DGKA: variants seen among roughly 807,000 people sequenced by gnomAD.
DGKA encodes diacylglycerol kinase alpha.
In DGKA, 35 loss-of-function variants were observed where a neutral mutation model predicts 105.0. That is an observed-to-expected ratio of 0.33 (90% CI 0.25 to 0.44). The LOEUF (loss-of-function observed/expected upper bound fraction) is 0.44, where lower values mean the gene tolerates loss of function less well. Among genes scored for constraint, DGKA ranks in the 20% least tolerant of loss-of-function variants. The pLI is 1.00. For missense variants in DGKA, 665 were observed against 915.0 expected, an observed-to-expected ratio of 0.73 and a Z score of 3.53; for synonymous variants, 296 against 332.0, an observed-to-expected ratio of 0.89 and a Z score of 1.18.
chr12:55,936,543 G>A lies in DGKA; in HGVS notation c.40G>A (p.Ala14Thr). The A allele has an allele frequency of 6.2e-7, 1 of 1,614,102 alleles. No homozygotes were observed. Among genetic ancestry groups the A allele is most frequent in the Non-Finnish European group, 8.5e-7 (1 of 1,179,994 alleles). The part of the protein sequence containing the change: ...ERGLISPSDF[A>T]QLQKYMEYST... Reference sequence around the variant, plus strand: ...GGGCCTAATAAGCCCCAGTGATTTTGCCCAGCTGCAAAAATACATGGAATG... The same window carrying A: ...GGGCCTAATAAGCCCCAGTGATTTTACCCAGCTGCAAAAATACATGGAATG... The change falls in exon 2 of 24, where the codon GCC becomes ACC. Residue 14 changes from alanine (A) to threonine (T), a missense_variant. Ala to Thr is a moderately conservative substitution (Grantham distance 58, BLOSUM62 0). Coordinates refer to ENST00000331886, the MANE Select transcript of DGKA (RefSeq NM_001345.5).
rs559652246 is a variant in DGKA at position 55,953,537 on chromosome 12, C to T, written c.2124+127C>T. Reference sequence around the variant, plus strand: ...CCCTGCACATCATTCATCCTAAACCCTGATTTCTCAGCCCCTGGTTTCCCT... The same window carrying T: ...CCCTGCACATCATTCATCCTAAACCTTGATTTCTCAGCCCCTGGTTTCCCT... On this transcript the variant is annotated intron_variant, in intron 23 of 23. Transcript: ENST00000331886. The T allele has an allele frequency of 1.2e-5, 16 of 1,347,380 alleles. No individual in the cohort carries two copies. In the South Asian group the frequency reaches 1.6e-4, roughly 13 times the overall value. 83.5% of individuals were successfully genotyped at this position (1,347,380 alleles called of 1,614,324 possible). A position where few individuals can be genotyped will look rare whatever the true frequency, so the allele number is the denominator to read the frequency against.
upstream of DGKA, among the ~76,000 whole-genome samples, chr12:55,928,081 C>T (rs1046968295): frequency 3.3e-5 from 5 of 152,296 alleles, no homozygotes; most frequent in African/African-American, 1.2e-4. Flanking sequence ...ATTCTGCAGA[C>T]GAACCCATAT....
rs920854797 is a variant in DGKA, at chr12:55,932,438, C to A, written c.-82+1094C>A. 1 of 670,006 alleles carries A rather than the reference C, an allele frequency of 1.5e-6. No individual in the cohort carries two copies. The highest frequency in any genetic ancestry group is 1.8e-5 in the African/African-American group (1 of 56,600). 41.5% of individuals were successfully genotyped at this position (670,006 alleles called of 1,614,324 possible). A position where few individuals can be genotyped will look rare whatever the true frequency, so the allele number is the denominator to read the frequency against. ...TCTTCGGAACCTCCACAGTGCCGCA[C>A]GGGTGGAGAAGGGTTCTTGTTTGGC... On this transcript the variant is annotated intron_variant, in intron 1 of 23. Coordinates refer to ENST00000331886, the MANE Select transcript of DGKA (RefSeq NM_001345.5). The surrounding 1 kb of genome is among the most constrained non-coding windows in gnomAD (Gnocchi z 4.3).
chr12:55,952,021 C>A lies in DGKA; in HGVS notation c.1588-14C>A. On this transcript the variant is annotated splice_polypyrimidine_tract_variant and intron_variant, in intron 18 of 23. Coordinates refer to ENST00000331886, the MANE Select transcript of DGKA (RefSeq NM_001345.5). This position sits in a 1 kb window ranked among gnomAD's most constrained non-coding sequence, Gnocchi z 5.1. ...TTGAGCTCTGTACTGACCTTCATGT[C>A]CCGAACTCTCCAGGATGCCTCTATT... is the stretch of plus-strand genomic sequence containing the variant. The A allele has an allele frequency of 6.2e-7, 1 of 1,613,848 alleles. No homozygotes were observed. The highest frequency in any genetic ancestry group is 8.5e-7 in the Non-Finnish European group (1 of 1,179,968).
chr12:55,944,860 C>T (rs1367308558), intron 17 of DGKA, among the ~76,000 whole-genome samples: 4 of 152,122 alleles, frequency 2.6e-5, no homozygotes, highest in African/African-American at 9.7e-5. Flanking sequence ...AGTGCAGTGG[C>T]ACAATCTCAG....
In DGKA at chr12:55,937,523, A is replaced by G. The variant is rs1335598929; in HGVS notation, c.254A>G (p.Asn85Ser). 6.2e-7 allele frequency: 1 copy of G among 1,614,170 alleles called. No homozygotes were observed. The highest frequency in any genetic ancestry group is 1.7e-5 in the Admixed American group (1 of 60,020). The change falls in exon 4 of 24, where the codon AAT becomes AGT. Residue 85 changes from asparagine (N) to serine (S), a missense_variant. Asn to Ser is a conservative substitution (Grantham distance 46). Around this residue, in one of 3 missense-constraint regions of DGKA, gnomAD observed 504 missense variants for 681.2 expected, o/e 0.74. Transcript: ENST00000331886. ...TCCTTTGAGACTGGTCACTGCTTAA[A>G]TGAGACAAATGTGACAAAAGGTATG... The part of the protein sequence containing the change: ...FQSFETGHCL[N>S]ETNVTKDVVC...
upstream of DGKA, chr12:55,928,000 G>A (rs1019534330): frequency 5.5e-6 from 3 of 547,726 alleles, no homozygotes; most frequent in Non-Finnish European, 9.6e-6. Context: ...ATCTAAAGCG[G>A]GGCAACTCGC....
chr12:55,938,999 C>T lies in DGKA; in HGVS notation c.474+10C>T, dbSNP rs147790589. Reference sequence around the variant, plus strand: ...GTCTGAGCTGAGGCCGGTAAGGCAGCTCTTCCTTCATGTCCCTTCTTGTAC... The same window carrying T: ...GTCTGAGCTGAGGCCGGTAAGGCAGTTCTTCCTTCATGTCCCTTCTTGTAC... On this transcript the variant is annotated intron_variant, in intron 7 of 23. Coordinates refer to ENST00000331886, the MANE Select transcript of DGKA (RefSeq NM_001345.5). 213 of 1,614,174 alleles carry T rather than the reference C, an allele frequency of 1.3e-4. 2 individuals carry two copies. The African/African-American group carries it at 2.4e-3, about 18-fold the overall frequency.
upstream of DGKA, chr12:55,927,863 T>C: frequency 6.9e-7 from 1 of 1,444,694 alleles, no homozygotes; most frequent in Non-Finnish European, 9.3e-7. Context: ...AGGGCCCTAG[T>C]TGCTTCTCGC....
In DGKA at chr12:55,933,773, C is replaced by T. The variant is rs536399642; in HGVS notation, c.-82+2429C>T. 2.0e-5 allele frequency among the ~76,000 whole-genome samples: 3 copies of T among 152,312 alleles called. No homozygotes were observed. In the East Asian group the frequency reaches 5.8e-4, roughly 29 times the overall value. On this transcript the variant is annotated intron_variant, in intron 1 of 23. Coordinates refer to ENST00000331886, the MANE Select transcript of DGKA (RefSeq NM_001345.5). ...GGGTAAGACGTACAACTGGGCTTCACTGATGCTAGCAGTCCCTGAAATTTA... is the reference window on the plus strand; with the variant it reads ...GGGTAAGACGTACAACTGGGCTTCATTGATGCTAGCAGTCCCTGAAATTTA...
In DGKA at chr12:55,942,005, T is replaced by A. The variant is rs1247693692; in HGVS notation, c.1258T>A (p.Leu420Ile). ...CTCTCCCCTTTGTCTCAGGCTCCGA[T>A]TATTCAAGGATGTTCCTGATAGCCG... Reference protein sequence around the residue: ...LKDGPEIGLRLFKDVPDSRIL... With the variant: ...LKDGPEIGLRIFKDVPDSRIL... The change falls in exon 16 of 24, where the codon TTA becomes ATA. Residue 420 changes from leucine (L) to isoleucine (I), a missense_variant. Physicochemically the swap from Leu to Ile is conservative, Grantham distance 5 (BLOSUM62 2). Coordinates refer to ENST00000331886, the MANE Select transcript of DGKA (RefSeq NM_001345.5). 6.2e-7 allele frequency: 1 copy of A among 1,614,044 alleles called. No homozygotes were observed. Among genetic ancestry groups the A allele is most frequent in the Non-Finnish European group, 8.5e-7 (1 of 1,180,030 alleles).
rs2136336072 is a variant in DGKA, at chr12:55,941,583, G to A, written c.1249G>A (p.Gly417Arg). Reference protein sequence around the residue: ...FNLLKDGPEIGLRLFKDVPDS... With the variant: ...FNLLKDGPEIRLRLFKDVPDS... ...CCTCCTAAAGGATGGTCCTGAGATA[G>A]GGTGAGCACAGGTTAGGGACTGTAT... Residue 417 changes from glycine (G) to arginine (R), a missense_variant and splice_region_variant, in exon 15 of 24, where the codon GGG becomes AGG. Around this residue, in one of 3 missense-constraint regions of DGKA, gnomAD observed 504 missense variants for 681.2 expected, o/e 0.74. Coordinates refer to ENST00000331886, the MANE Select transcript of DGKA (RefSeq NM_001345.5). 6.2e-7 allele frequency: 1 copy of A among 1,614,060 alleles called. No homozygotes were observed. Among genetic ancestry groups the A allele is most frequent in the Non-Finnish European group, 8.5e-7 (1 of 1,179,952 alleles).
At chr12:55,937,277 A>G in intron 3 of DGKA, 131 bp from the exon 4 acceptor site, 1 of 1,288,642 alleles carries the variant, frequency 7.8e-7, no homozygotes. Flanking sequence ...GGACTTAATC[A>G]AAGAAACCAT....
Position 55,939,528 on chromosome 12 carries a change from C to T in DGKA, c.708C>T (p.Asn236=), listed in dbSNP as rs758503630. ...TTGGCAAACAGGGACTGAGCTGTAA[C>T]CGTGAGTAATGGGAGCTGGGAGGTA... ...IGLGKQGLSC[N]LCKYTVHDQC... is the part of the protein sequence containing the mutation. The change falls in exon 9 of 24, where the codon AAC becomes AAT. Residue 236 remains asparagine, a splice_region_variant and synonymous_variant. Transcript: ENST00000331886. The T allele has an allele frequency of 1.9e-6, 3 of 1,614,020 alleles. No individual in the cohort carries two copies. The highest frequency in any genetic ancestry group is 1.7e-6 in the Non-Finnish European group (2 of 1,179,998).
intron 22 of DGKA, 71 bp downstream of exon 22, chr12:55,953,231 G>A: frequency 6.2e-7 from 1 of 1,611,844 alleles, no homozygotes; most frequent in Non-Finnish European, 8.5e-7. Flanking sequence ...CATGGGAATG[G>A]TGGGGAGGGG....
chr12:55,938,881 G>T, intron 6 of DGKA, 34 bp from the exon 7 acceptor site: 1 of 1,612,562 alleles, frequency 6.2e-7, no homozygotes, highest in East Asian at 2.2e-5. Context: ...TAGTAAAGGG[G>T]ATATGGCTGT....
At position 55,940,938 on chromosome 12, in the gene DGKA, G is replaced by T. The variant is rs934777409; in HGVS notation, c.1059G>T (p.Lys353Asn). 3.1e-6 allele frequency: 5 copies of T among 1,614,036 alleles called. No homozygotes were observed. Among genetic ancestry groups the T allele is most frequent in the Admixed American group, 3.3e-5 (2 of 59,996 alleles). The change falls in exon 13 of 24, where the codon AAG becomes AAT. Residue 353 changes from lysine to asparagine, a missense_variant. By Grantham distance (94) the Lys-to-Asn change is moderately conservative. Around this residue, in one of 3 missense-constraint regions of DGKA, gnomAD observed 504 missense variants for 681.2 expected, o/e 0.74. Coordinates refer to ENST00000331886, the MANE Select transcript of DGKA (RefSeq NM_001345.5). The surrounding 1 kb of genome is among the most constrained non-coding windows in gnomAD (Gnocchi z 4.3). ...GTAAAAATAGCAAAACAAGCCAGAA[G>T]ACCATGGATGATTTAAATTTGAGCA... is the stretch of plus-strand genomic sequence containing the variant. ...PDRKNSKTSQ[K>N]TMDDLNLSTS...
intron 5 of DGKA, 82 bp downstream of exon 5, chr12:55,938,134 C>T: frequency 7.7e-7 from 1 of 1,298,480 alleles, no homozygotes; most frequent in Non-Finnish European, 1.1e-6. Context: ...CTTATTCCTT[C>T]AGGATTCCTA....
At position 55,936,429 on chromosome 12, in the gene DGKA, C is replaced by G. The variant is rs1884713529; in HGVS notation, c.-75C>G. The G allele has an allele frequency of 6.3e-7, 1 of 1,576,942 alleles. No homozygotes were observed. ...CTCTGTCACCTTTCCCCAGGCCTAC[C>G]CTCTGAAGAGGTCCAAGCAACGGAA... On this transcript the variant is annotated 5_prime_UTR_variant, in exon 2 of 24. Coordinates refer to ENST00000331886, the MANE Select transcript of DGKA (RefSeq NM_001345.5).
Sources: gnomAD v4.1 joint callset for allele counts (sites outside exome capture counted in the v4.1 genomes callset) on GRCh38, gnomAD v4.1.1 for gene constraint, gnomAD v4.1.1 regional missense constraint, Gnocchi (gnomAD v3.1) non-coding constraint, MANE v1.5 for transcripts, NCBI Gene and HGNC (gene_info 2026-07-23, HGNC 2026-07-21) for gene names.